Variants in SLC26A5 observed in about 807,000 individuals in gnomAD.
The protein encoded by SLC26A5 is prestin.
SLC26A5 carries 51 observed loss-of-function variants against 81.0 expected under a neutral mutation model. The observed-to-expected ratio is 0.63, with a 90% CI of 0.50 to 0.80. The LOEUF is 0.80. Among genes scored for constraint, SLC26A5 ranks in the 30% least tolerant of loss-of-function variants. SLC26A5 has a pLI of 0.00. For synonymous variants in SLC26A5, 325 were observed against 332.8 expected (o/e 0.98, Z 0.25); for missense variants, 771 against 905.8 (o/e 0.85, Z 1.91).
chr7:103,386,761 T>C (rs1822227782), intron 14 of SLC26A5, among the ~76,000 whole-genome samples: 1 of 152,072 alleles, frequency 6.6e-6, no homozygotes, highest in African/African-American at 2.4e-5. Flanking sequence ...TTATAGATTT[T>C]TTTTTCTTTT....
intron 15 of SLC26A5, among the ~76,000 whole-genome samples, chr7:103,379,608 T>C (rs975988966): frequency 1.3e-5 from 2 of 152,134 alleles, no homozygotes; most frequent in Non-Finnish European, 2.9e-5. Flanking sequence ...TAAAAGTCAG[T>C]CTTCGTTTTA....
In SLC26A5 at chr7:103,352,745, C is replaced by A. The variant is rs1290929310; in HGVS notation, c.*165G>T. On this transcript the variant is annotated 3_prime_UTR_variant, in exon 20 of 20. Coordinates refer to the SLC26A5 transcript ENST00000339444. ...ACTCATCCTGGTAGATTCATTTTTT[C>A]TTTATTTCACAAAAGAGAAAACAAA... 10 of 734,768 alleles carry A rather than the reference C, an allele frequency of 1.4e-5. No homozygotes were observed. The East Asian group carries it at 2.5e-4, about 18-fold the overall frequency. 45.5% of individuals were successfully genotyped at this position (734,768 alleles called of 1,614,324 possible).
At chr7:103,365,727 A>G (rs954335707) in intron 19 of SLC26A5, among the ~76,000 whole-genome samples, 1 of 152,132 alleles carries the variant, frequency 6.6e-6, no homozygotes, top group African/African-American at 2.4e-5. Context: ...CAGGAGTTCA[A>G]TGCCAGCCTG....
chr7:103,357,593 C>T (rs1820109916), intron 19 of SLC26A5, among the ~76,000 whole-genome samples: 1 of 152,144 alleles, frequency 6.6e-6, no homozygotes, highest in Non-Finnish European at 1.5e-5. Context: ...GAAGGCACAC[C>T]TTTCCTATCC....
chr7:103,423,266 CCGT>C (rs1825492888), intron 2 of SLC26A5, among the ~76,000 whole-genome samples: 1 of 152,102 alleles, frequency 6.6e-6, no homozygotes, highest in African/African-American at 2.4e-5. Context: ...GAGTGAAACT[CCGT>C]CTCAAAGGCA....
intron 15 of SLC26A5, 105 bp from the exon 16 acceptor site, chr7:103,379,440 G>A (rs1821612450): frequency 5.5e-6 from 4 of 725,482 alleles, no homozygotes; most frequent in Admixed American, 2.2e-5. Context: ...AGTTGCTAAG[G>A]TCCCCTTTTC....
chr7:103,438,447 G>A (rs1293381994), intron 2 of SLC26A5, among the ~76,000 whole-genome samples: 4 of 150,448 alleles, frequency 2.7e-5, no homozygotes, highest in Non-Finnish European at 5.9e-5. Context: ...CTGCCTCCCA[G>A]GTTCAAGCAA....
chr7:103,396,238 G>A (rs1285970715), intron 9 of SLC26A5, among the ~76,000 whole-genome samples: 2 of 152,126 alleles, frequency 1.3e-5, no homozygotes, highest in Non-Finnish European at 2.9e-5. Context: ...CTATGGGTGG[G>A]ACTGTAAAAT....
At chr7:103,429,667 G>T (rs1177040624) in intron 2 of SLC26A5, among the ~76,000 whole-genome samples, 1 of 152,132 alleles carries the variant, frequency 6.6e-6, no homozygotes, top group African/African-American at 2.4e-5. Context: ...AATTATAGTG[G>T]CTCAATATGT....
At position 103,367,945 on chromosome 7, in the gene SLC26A5, G is replaced by C; in HGVS notation, c.2041+8863C>G. Reference sequence around the variant, plus strand: ...ACAGAGGCTGGTATGTTTGCCATCAGAGCACGGCGAAAAATTGCTACCGAG... The same window carrying C: ...ACAGAGGCTGGTATGTTTGCCATCACAGCACGGCGAAAAATTGCTACCGAG... On this transcript the variant is annotated intron_variant, in intron 19 of 19. Transcript: ENST00000339444. This position sits in a 1 kb window ranked among gnomAD's most constrained non-coding sequence, Gnocchi z 6.1. 1 of 1,614,086 alleles carries C rather than the reference G, an allele frequency of 6.2e-7. No individual in the cohort carries two copies. Among genetic ancestry groups the C allele is most frequent in the Non-Finnish European group, 8.5e-7 (1 of 1,180,012 alleles).
intron 2 of SLC26A5, among the ~76,000 whole-genome samples, chr7:103,434,803 C>G (rs1826334960): frequency 6.6e-6 from 1 of 152,064 alleles, no homozygotes; most frequent in African/African-American, 2.4e-5. Context: ...AGGAGTGCGC[C>G]ACCACGCCCA....
intron 5 of SLC26A5, 36 bp downstream of exon 5, chr7:103,412,966 A>C (rs1009011369): frequency 9.9e-6 from 14 of 1,407,816 alleles, no homozygotes; most frequent in Non-Finnish European, 1.3e-5. Context: ...GAAATACACA[A>C]GGAAAGGTAA....
chr7:103,403,950 A>T (rs1823818469), intron 8 of SLC26A5, among the ~76,000 whole-genome samples: 1 of 151,974 alleles, frequency 6.6e-6, no homozygotes, highest in Admixed American at 6.6e-5. Flanking sequence ...TGGGAGGCTA[A>T]GGCAGGCAGA....
At chr7:103,394,777 A>T (rs1186049376) in intron 9 of SLC26A5, among the ~76,000 whole-genome samples, 1 of 152,216 alleles carries the variant, frequency 6.6e-6, no homozygotes, top group African/African-American at 2.4e-5. Flanking sequence ...TAGATGGGGA[A>T]TCTGTTTCCC....
intron 8 of SLC26A5, among the ~76,000 whole-genome samples, chr7:103,398,842 G>C (rs1296115068): frequency 2.0e-5 from 3 of 152,138 alleles, no homozygotes; most frequent in African/African-American, 7.2e-5. Context: ...CAGCCTGGGA[G>C]ACCAGGGGCA....
At position 103,367,986 on chromosome 7, in the gene SLC26A5, G is replaced by T. The variant is rs751517040; in HGVS notation, c.2041+8822C>A. 3.1e-6 allele frequency: 5 copies of T among 1,613,960 alleles called. No homozygotes were observed. In the African/African-American group the frequency reaches 5.3e-5, roughly 17 times the overall value. Reference sequence around the variant, plus strand: ...TGCTACCGAGAAGGATTTCTTGGAAGCTGTAAATAAGGTCATTAAGTCTTA... The same window carrying T: ...TGCTACCGAGAAGGATTTCTTGGAATCTGTAAATAAGGTCATTAAGTCTTA... On this transcript the variant is annotated intron_variant, in intron 19 of 19. Coordinates refer to the SLC26A5 transcript ENST00000339444. The surrounding 1 kb of genome is among the most constrained non-coding windows in gnomAD (Gnocchi z 6.1).
chr7:103,406,011 T>C (rs1449844521), intron 8 of SLC26A5, among the ~76,000 whole-genome samples: 1 of 152,144 alleles, frequency 6.6e-6, no homozygotes, highest in Non-Finnish European at 1.5e-5. Flanking sequence ...GCCTCAGTAA[T>C]GGCAGATGCC....
At position 103,374,592 on chromosome 7, in the gene SLC26A5, G is replaced by A; in HGVS notation, c.2042C>T (p.Ala681Val). The change falls in exon 20 of 20, where the codon GCA becomes GTA. Residue 681 changes from alanine to valine, a missense_variant and splice_region_variant. By Grantham distance (64) the Ala-to-Val change is moderately conservative (BLOSUM62 0). Coordinates refer to ENST00000306312, the MANE Select transcript of SLC26A5 (RefSeq NM_198999.3). Reference sequence around the variant, plus strand: ...CCGAGTGAGGTCATTCACAACTTGTGCTATTAAAAGAAGAAAAGAAAATTA... The same window carrying A: ...CCGAGTGAGGTCATTCACAACTTGTACTATTAAAAGAAGAAAAGAAAATTA... The part of the protein sequence containing the change: ...GIYVYLAGCS[A>V]QVVNDLTRNR... 6.2e-7 allele frequency: 1 copy of A among 1,613,212 alleles called. No individual in the cohort carries two copies. Among genetic ancestry groups the A allele is most frequent in the Non-Finnish European group, 8.5e-7 (1 of 1,179,814 alleles).
chr7:103,424,247 CT>C (rs1196434673), intron 2 of SLC26A5, among the ~76,000 whole-genome samples: 1 of 152,154 alleles, frequency 6.6e-6, no homozygotes, highest in Non-Finnish European at 1.5e-5. Context: ...TCTGTGAGGT[CT>C]CCCCTCACTT....
Sources: gnomAD v4.1 joint callset for allele counts (sites outside exome capture counted in the v4.1 genomes callset) on GRCh38, gnomAD v4.1.1 for gene constraint, Gnocchi (gnomAD v3.1) non-coding constraint, MANE v1.5 for transcripts, NCBI Gene and HGNC (gene_info 2026-07-23, HGNC 2026-07-21) for gene names.